ADAMTSL1: variants seen among roughly 807,000 people sequenced by gnomAD.
The protein encoded by ADAMTSL1 is ADAMTS-like protein 1.
In ADAMTSL1, 126 loss-of-function variants were observed where a neutral mutation model predicts 201.8. The observed-to-expected ratio is 0.62, with a 90% CI of 0.54 to 0.72. ADAMTSL1 has a LOEUF of 0.72. ADAMTSL1 is among the 30% of genes least tolerant of loss of function. The pLI, the probability that ADAMTSL1 is intolerant of heterozygous loss-of-function variation, is 0.00. For missense variants in ADAMTSL1, 2,679 were observed against 2,277.8 expected (o/e 1.18, Z -3.59); for synonymous variants, 1,121 against 903.4 (o/e 1.24, Z -4.32).
At chr9:18,683,908 T>C (rs1000302275) in intron 12 of ADAMTSL1, among the ~76,000 whole-genome samples, 3 of 152,326 alleles carry the variant, frequency 2.0e-5, no homozygotes, top group Middle Eastern at 3.4e-3. Context: ...ATCTTTGCAA[T>C]TGTATGTTAT....
At chr9:18,678,448 C>G (rs184519048) in intron 10 of ADAMTSL1, among the ~76,000 whole-genome samples, 1 of 152,020 alleles carries the variant, frequency 6.6e-6, no homozygotes, top group Non-Finnish European at 1.5e-5. Context: ...TAATTTTCTA[C>G]GCATAGAACT....
At chr9:18,140,955 G>C (rs530481677) in intron 1 of ADAMTSL1, among the ~76,000 whole-genome samples, 1 of 152,270 alleles carries the variant, frequency 6.6e-6, no homozygotes, top group South Asian at 2.1e-4. Context: ...TTTCATTTTT[G>C]TGGCCACCAA....
intron 20 of ADAMTSL1, among the ~76,000 whole-genome samples, chr9:18,797,988 C>G (rs1034573049): frequency 5.9e-5 from 9 of 152,044 alleles, no homozygotes; most frequent in African/African-American, 2.2e-4. Context: ...GAAACTGATT[C>G]AGTTCACTTG....
At chr9:18,631,454 A>G (rs908881066) in intron 5 of ADAMTSL1, among the ~76,000 whole-genome samples, 2 of 152,238 alleles carry the variant, frequency 1.3e-5, no homozygotes, top group Non-Finnish European at 2.9e-5. Flanking sequence ...GACTATTTTT[A>G]TACATAGTCA....
intron 1 of ADAMTSL1, among the ~76,000 whole-genome samples, chr9:17,970,546 T>C (rs1346143160): frequency 6.6e-6 from 1 of 152,068 alleles, no homozygotes; most frequent in Non-Finnish European, 1.5e-5. Context: ...GACTCTGAGC[T>C]GTGGGTAGGT....
intron 1 of ADAMTSL1, among the ~76,000 whole-genome samples, chr9:18,150,925 G>T (rs951567492): frequency 2.0e-5 from 3 of 151,772 alleles, no homozygotes; most frequent in Non-Finnish European, 4.4e-5. Context: ...CTGTGAAATA[G>T]GAGACAATGA....
chr9:18,474,780 T>C (rs1315632497), intron 1 of ADAMTSL1, among the ~76,000 whole-genome samples: 2 of 152,202 alleles, frequency 1.3e-5, no homozygotes, highest in Non-Finnish European at 2.9e-5. Flanking sequence ...GAGAGCCTCT[T>C]TGCAGCCAAC....
At chr9:17,972,886 G>C (rs1327304399) in intron 1 of ADAMTSL1, among the ~76,000 whole-genome samples, 1 of 146,830 alleles carries the variant, frequency 6.8e-6, no homozygotes, top group African/African-American at 2.5e-5. Flanking sequence ...TCTCATTGTG[G>C]TTTTGATTTG....
chr9:18,383,874 C>T (rs1452413632), intron 2 of ADAMTSL1, among the ~76,000 whole-genome samples: 1 of 152,168 alleles, frequency 6.6e-6, no homozygotes, highest in Admixed American at 6.6e-5. Context: ...TGAAACTTTA[C>T]TGTACATATG....
At chr9:18,783,013 AG>A in intron 19 of ADAMTSL1, among the ~76,000 whole-genome samples, 1 of 152,330 alleles carries the variant, frequency 6.6e-6, no homozygotes, top group Non-Finnish European at 1.5e-5. Context: ...TAAACAGGAA[AG>A]TGACATGATC....
At chr9:18,200,640 T>C (rs1829402624) in intron 2 of ADAMTSL1, among the ~76,000 whole-genome samples, 2 of 152,174 alleles carry the variant, frequency 1.3e-5, no homozygotes, top group East Asian at 1.9e-4. Flanking sequence ...CCTCTCCTGC[T>C]TTTCTCTTTA....
intron 1 of ADAMTSL1, among the ~76,000 whole-genome samples, chr9:18,493,546 T>G (rs1306438384): frequency 6.6e-6 from 1 of 152,190 alleles, no homozygotes; most frequent in Non-Finnish European, 1.5e-5. Context: ...AACAAGGATC[T>G]AGGACTTGGA....
intron 1 of ADAMTSL1, among the ~76,000 whole-genome samples, chr9:18,498,150 A>C (rs773257408): frequency 1.3e-5 from 2 of 152,082 alleles, no homozygotes; most frequent in Non-Finnish European, 2.9e-5. Context: ...AAAGATACAG[A>C]CATAAAACTT....
At chr9:17,954,578 T>C (rs1827856522) in intron 1 of ADAMTSL1, among the ~76,000 whole-genome samples, 2 of 152,154 alleles carry the variant, frequency 1.3e-5, no homozygotes, top group Admixed American at 1.3e-4. Flanking sequence ...GATAAAAAGC[T>C]CAAGGGGTAT....
intron 3 of ADAMTSL1, among the ~76,000 whole-genome samples, chr9:18,548,264 C>T (rs1274774897): frequency 6.6e-6 from 1 of 152,022 alleles, no homozygotes; most frequent in African/African-American, 2.4e-5. Context: ...ACTCTGCCTT[C>T]CTGTTTGAGC....
chr9:18,570,462 T>C (rs1822226721), intron 3 of ADAMTSL1, among the ~76,000 whole-genome samples: 1 of 152,212 alleles, frequency 6.6e-6, no homozygotes, highest in South Asian at 2.1e-4. Flanking sequence ...ATGCTTGAAA[T>C]GTTTTGGGTT....
At chr9:18,766,278 T>C (rs1820358558) in intron 16 of ADAMTSL1, among the ~76,000 whole-genome samples, 1 of 152,192 alleles carries the variant, frequency 6.6e-6, no homozygotes, top group African/African-American at 2.4e-5. Context: ...AACCAGAATC[T>C]GTAGCGGTTT....
At chr9:18,074,539 CTCT>C (rs1372577950) in intron 1 of ADAMTSL1, among the ~76,000 whole-genome samples, 1 of 127,886 alleles carries the variant, frequency 7.8e-6, no homozygotes, top group Non-Finnish European at 1.6e-5. Flanking sequence ...CTTTTCTTCT[CTCT>C]TCTTTTCTCT....
At chr9:18,405,778 G>A (rs931876053) in intron 2 of ADAMTSL1, among the ~76,000 whole-genome samples, 3 of 152,016 alleles carry the variant, frequency 2.0e-5, no homozygotes, top group African/African-American at 4.8e-5. Context: ...AAAAAGACAG[G>A]GAGGAAACAA....
Sources: allele counts gnomAD v4.1 joint callset (sites outside exome capture counted in the v4.1 genomes callset), GRCh38; gene constraint gnomAD v4.1.1; transcripts MANE v1.5; gene names NCBI Gene and HGNC (gene_info 2026-07-23, HGNC 2026-07-21).